The following ERP27 variants were observed in gnomAD, a reference collection of about 807,000 sequenced individuals.
The protein encoded by ERP27 is endoplasmic reticulum protein 27.
In ERP27, 23 loss-of-function variants were observed where a neutral mutation model predicts 27.7. That is an observed-to-expected ratio of 0.83 (90% CI 0.60 to 1.18). ERP27 has a LOEUF of 1.18. Ranked by LOEUF, ERP27 falls within the 50% of genes most tolerant of loss-of-function variation. The probability of loss-of-function intolerance (pLI) is 0.00; values close to 1 mark genes in which losing one functional copy is unlikely to be tolerated. For synonymous variants in ERP27, 159 were observed against 118.3 expected, an observed-to-expected ratio of 1.34 and a Z score of -2.23; for missense variants, 363 against 327.9, an observed-to-expected ratio of 1.11 and a Z score of -0.83.
chr12:14,933,105 C>A (rs905746573), intron 3 of ERP27, among the ~76,000 whole-genome samples: 1 of 151,794 alleles, frequency 6.6e-6, no homozygotes, highest in African/African-American at 2.4e-5. Context: ...TTCATTGATT[C>A]TTCATATATT....
chr12:14,926,583 A>G (rs527547303), intron 3 of ERP27, among the ~76,000 whole-genome samples: 1 of 152,270 alleles, frequency 6.6e-6, no homozygotes, highest in Non-Finnish European at 1.5e-5. Flanking sequence ...TAGAAGTTAC[A>G]TAGGCTTTAA....
At chr12:14,937,047 C>A (rs141911667) in intron 2 of ERP27, among the ~76,000 whole-genome samples, 3 of 152,144 alleles carry the variant, frequency 2.0e-5, no homozygotes, top group Admixed American at 6.5e-5. Flanking sequence ...TGGCATCTGG[C>A]GGCTGTTTAA....
intron 4 of ERP27, among the ~76,000 whole-genome samples, chr12:14,917,631 C>G (rs1863432521): frequency 6.6e-6 from 1 of 152,212 alleles, no homozygotes. Context: ...GGAATACCAG[C>G]CCCAGTGTAG....
At chr12:14,920,275 G>A (rs751628976) in intron 4 of ERP27, among the ~76,000 whole-genome samples, 5 of 152,204 alleles carry the variant, frequency 3.3e-5, no homozygotes, top group Admixed American at 6.5e-5. Flanking sequence ...GACACACCAG[G>A]AGAGAAGGCT....
intron 4 of ERP27, among the ~76,000 whole-genome samples, chr12:14,919,676 G>C (rs911804310): frequency 2.0e-5 from 3 of 152,174 alleles, no homozygotes; most frequent in Non-Finnish European, 4.4e-5. Context: ...ACAGGCACCA[G>C]TCATAAAAAA....
intron 1 of ERP27, 29 bp downstream of exon 1, chr12:14,938,386 A>T: frequency 6.2e-7 from 1 of 1,607,266 alleles, no homozygotes; most frequent in South Asian, 1.1e-5. Flanking sequence ...CTTTCACACT[A>T]TAGCCACCCA....
chr12:14,915,506 G>C lies in ERP27; in HGVS notation c.757C>G (p.Leu253Val), dbSNP rs751250112. The change falls in exon 6 of 7, where the codon CTA becomes GTA. Residue 253 changes from leucine (L) to valine (V), a missense_variant. By Grantham distance (32) the Leu-to-Val change is conservative. Coordinates refer to ENST00000266397, the MANE Select transcript of ERP27 (RefSeq NM_152321.4). ...EHVQNFCDGF[L>V]SGKLLKENRE... is the part of the protein sequence containing the mutation. ...ACACTTACCAACAATTTTCCACTTA[G>C]GAATCCATCACAAAAGTTTTGCACA... 10 of 1,613,904 alleles carry C rather than the reference G, an allele frequency of 6.2e-6. No individual in the cohort carries two copies. The African/African-American group carries it at 1.1e-4, about 17-fold the overall frequency.
chr12:14,937,840 C>A, intron 2 of ERP27, 112 bp downstream of exon 2: 1 of 802,788 alleles, frequency 1.2e-6, no homozygotes, highest in Non-Finnish European at 2.0e-6. Flanking sequence ...TGGCTGTCTC[C>A]CTTTACCCCC....
chr12:14,917,216 G>T lies in ERP27; in HGVS notation c.538C>A (p.His180Asn), dbSNP rs1311989841. Residue 180 changes from histidine (H) to asparagine (N), a missense_variant, in exon 5 of 7, where the codon CAC (histidine) becomes AAC (asparagine). Transcript: ENST00000266397. Reference protein sequence around the residue: ...KASPEYEENMHRYQKAAKLFQ... With the variant: ...KASPEYEENMNRYQKAAKLFQ... Reference sequence around the variant, plus strand: ...AGCTTGGCTGCCTTCTGGTATCTGTGCATGTTCTCTTCATACTCTGGGGAG... The same window carrying T: ...AGCTTGGCTGCCTTCTGGTATCTGTTCATGTTCTCTTCATACTCTGGGGAG... 1.2e-6 allele frequency: 2 copies of T among 1,614,118 alleles called. No individual in the cohort carries two copies. Among genetic ancestry groups the T allele is most frequent in the South Asian group, 1.1e-5 (1 of 91,074 alleles).
intron 4 of ERP27, 31 bp from the exon 5 acceptor site, chr12:14,917,334 G>A: frequency 1.2e-6 from 2 of 1,613,904 alleles, no homozygotes; most frequent in East Asian, 2.2e-5. Context: ...ACAGTAGAGT[G>A]AAAGCGAGAA....
At chr12:14,918,044 A>C (rs531118682) in intron 4 of ERP27, among the ~76,000 whole-genome samples, 13 of 152,354 alleles carry the variant, frequency 8.5e-5, no homozygotes, top group African/African-American at 3.1e-4. Flanking sequence ...GTTTGAGTAC[A>C]TATTAGTAGT....
intron 5 of ERP27, among the ~76,000 whole-genome samples, chr12:14,916,041 G>C (rs529125917): frequency 1.6e-4 from 25 of 152,064 alleles, no homozygotes; most frequent in African/African-American, 6.0e-4. Context: ...TGGGAGGAGG[G>C]GGAGGAGCAG....
intron 1 of ERP27, 124 bp downstream of exon 1, chr12:14,938,291 A>G (rs1565455345): frequency 1.9e-5 from 20 of 1,054,872 alleles, no homozygotes; most frequent in Non-Finnish European, 2.9e-5. Context: ...AAATGCACTT[A>G]TCCAGGATTT....
At chr12:14,918,317 T>C (rs1044486873) in intron 4 of ERP27, among the ~76,000 whole-genome samples, 1 of 152,148 alleles carries the variant, frequency 6.6e-6, no homozygotes, top group Non-Finnish European at 1.5e-5. Context: ...CGATCTCAAA[T>C]GTGGTTGAAC....
At chr12:14,930,661 GA>G (rs1318153451) in intron 3 of ERP27, among the ~76,000 whole-genome samples, 2 of 152,168 alleles carry the variant, frequency 1.3e-5, no homozygotes, top group African/African-American at 4.8e-5. Context: ...AATTCTTCCT[GA>G]TTACATTTAT....
chr12:14,925,832 G>A (rs1033630350), intron 3 of ERP27, among the ~76,000 whole-genome samples: 1 of 152,080 alleles, frequency 6.6e-6, no homozygotes, highest in African/African-American at 2.4e-5. Flanking sequence ...CACTTTGGGA[G>A]GCTGAGGTGG....
chr12:14,924,055 A>G (rs577204056), intron 3 of ERP27, among the ~76,000 whole-genome samples: 7 of 152,054 alleles, frequency 4.6e-5, no homozygotes, highest in South Asian at 2.1e-4. Context: ...CCAGCTTTCC[A>G]TAACCAGTAT....
chr12:14,927,649 T>A lies in ERP27; in HGVS notation c.334-6601A>T, dbSNP rs931023345. On this transcript the variant is annotated intron_variant, in intron 3 of 6. Transcript: ENST00000266397. ...CCAAAGCCGTCTAGACAAAAAGCAG[T>A]CCTCAATGCAGGGTTCATCTTTTTT... 3.9e-5 allele frequency among the ~76,000 whole-genome samples: 6 copies of A among 152,182 alleles called. No homozygotes were observed. In the East Asian group the frequency reaches 7.7e-4, roughly 20 times the overall value.
At chr12:14,928,684 A>G (rs1863648975) in intron 3 of ERP27, among the ~76,000 whole-genome samples, 1 of 152,198 alleles carries the variant, frequency 6.6e-6, no homozygotes, top group Non-Finnish European at 1.5e-5. Context: ...TTTGAAACAA[A>G]TCAAAACCAC....
Sources: allele counts gnomAD v4.1 joint callset (sites outside exome capture counted in the v4.1 genomes callset), GRCh38; gene constraint gnomAD v4.1.1; transcripts MANE v1.5; gene names NCBI Gene and HGNC (gene_info 2026-07-23, HGNC 2026-07-21).